Variants in OXCT1 observed in about 807,000 individuals in gnomAD.
OXCT1 encodes 3-oxoacid CoA-transferase 1.
A neutral mutation model predicts 69.6 loss-of-function variants in OXCT1; 27 were observed. That is an observed-to-expected ratio of 0.39 (90% CI 0.29 to 0.54). The LOEUF (loss-of-function observed/expected upper bound fraction) is 0.54. Ranked by LOEUF, OXCT1 falls within the 20% of genes least tolerant of loss-of-function variation. The pLI, the probability that OXCT1 is intolerant of heterozygous loss-of-function variation, is 0.72. For missense variants in OXCT1, 437 were observed against 650.2 expected, an observed-to-expected ratio of 0.67 and a Z score of 3.57; for synonymous variants, 202 against 217.8, an observed-to-expected ratio of 0.93 and a Z score of 0.64.
At chr5:41,840,399 C>T (rs1748569136) in intron 7 of OXCT1, 52 bp downstream of exon 7, 1 of 1,293,724 alleles carries the variant, frequency 7.7e-7, no homozygotes, top group African/African-American at 1.5e-5. Context: ...TGAATTAATA[C>T]TTAACATCAA....
chr5:41,808,371 CCTAAA>C (rs1746790829), intron 7 of OXCT1, among the ~76,000 whole-genome samples: 3 of 152,002 alleles, frequency 2.0e-5, no homozygotes, highest in Admixed American at 6.6e-5. Context: ...ATTTTTGTTT[CCTAAA>C]CTAATCACTG....
intron 3 of OXCT1, among the ~76,000 whole-genome samples, chr5:41,861,073 T>C (rs547417685): frequency 2.6e-5 from 4 of 152,262 alleles, no homozygotes; most frequent in African/African-American, 9.6e-5. Context: ...CATTAAGATA[T>C]AAAGTCTTAA....
rs141588669 is a variant in OXCT1, at chr5:41,805,135, C to G, written c.955+432G>C. On this transcript the variant is annotated intron_variant, in intron 9 of 16. Coordinates refer to ENST00000196371, the MANE Select transcript of OXCT1 (RefSeq NM_000436.4). The stretch of plus-strand genomic sequence containing the variant: ...AACAGGGTAATCACAGGATCTTTGT[C>G]AAGAGAATAAAAGGGTTGTTAAGAA... 3.8e-3 allele frequency among the ~76,000 whole-genome samples: 574 copies of G among 151,948 alleles called. 2 individuals are homozygous for G. Among genetic ancestry groups the G allele is most frequent in the African/African-American group, 0.013 (553 of 41,474 alleles).
chr5:41,761,823 T>C (rs921757945), intron 14 of OXCT1, among the ~76,000 whole-genome samples: 22 of 152,184 alleles, frequency 1.4e-4, no homozygotes, highest in African/African-American at 5.3e-4. Flanking sequence ...TTTGGAGATA[T>C]TAAAGCTTTT....
intron 7 of OXCT1, among the ~76,000 whole-genome samples, chr5:41,834,099 G>A (rs1441815330): frequency 1.3e-5 from 2 of 151,134 alleles, no homozygotes; most frequent in Admixed American, 6.6e-5. Flanking sequence ...TTAAAATAAC[G>A]AGTTATAAGA....
intron 7 of OXCT1, among the ~76,000 whole-genome samples, chr5:41,810,981 A>T (rs1746953076): frequency 6.6e-6 from 1 of 151,706 alleles, no homozygotes; most frequent in Non-Finnish European, 1.5e-5. Context: ...GTTTCAAAAA[A>T]GTTTAGGAGG....
At chr5:41,811,081 GAA>G (rs57545957) in intron 7 of OXCT1, among the ~76,000 whole-genome samples, 18 of 137,294 alleles carry the variant, frequency 1.3e-4, no homozygotes, top group Admixed American at 4.4e-4. Flanking sequence ...AAAAGAGAGG[GAA>G]AAAAAAAAAA....
At chr5:41,799,919 C>T (rs1028874999) in intron 11 of OXCT1, among the ~76,000 whole-genome samples, 7 of 152,194 alleles carry the variant, frequency 4.6e-5, no homozygotes, top group Non-Finnish European at 8.8e-5. Flanking sequence ...GAAATTTACA[C>T]ATACTATTTT....
chr5:41,778,924 T>C (rs1378923551), intron 13 of OXCT1, among the ~76,000 whole-genome samples: 2 of 152,184 alleles, frequency 1.3e-5, no homozygotes, highest in Non-Finnish European at 2.9e-5. Context: ...TTTATGTGTT[T>C]TGCAACTTTT....
intron 13 of OXCT1, among the ~76,000 whole-genome samples, chr5:41,763,335 T>C (rs1199461631): frequency 6.6e-6 from 1 of 152,032 alleles, no homozygotes; most frequent in Non-Finnish European, 1.5e-5. Context: ...GGGATGAGGG[T>C]GGCAGGGGAG....
intron 15 of OXCT1, among the ~76,000 whole-genome samples, chr5:41,741,477 G>A (rs1743165281): frequency 6.6e-6 from 1 of 152,102 alleles, no homozygotes; most frequent in Non-Finnish European, 1.5e-5. Flanking sequence ...CCAAGATTGT[G>A]ATACAGGACA....
Position 41,762,704 on chromosome 5 carries a change from C to T in OXCT1, c.1249-504G>A, listed in dbSNP as rs1744406654. Reference sequence around the variant, plus strand: ...TAGTAATGGCTAATATGAAAGGTGGCTCTGTCTTTCTAACACTTGGCATTT... The same window carrying T: ...TAGTAATGGCTAATATGAAAGGTGGTTCTGTCTTTCTAACACTTGGCATTT... On this transcript the variant is annotated intron_variant, in intron 13 of 16. Coordinates refer to ENST00000196371, the MANE Select transcript of OXCT1 (RefSeq NM_000436.4). This position sits in a 1 kb window ranked among gnomAD's most constrained non-coding sequence, Gnocchi z 4.0. Among the ~76,000 whole-genome samples, 2 of 152,088 alleles carry T rather than the reference C, an allele frequency of 1.3e-5. No homozygotes were observed. The highest frequency in any genetic ancestry group is 1.5e-5 in the Non-Finnish European group (1 of 68,002).
rs527668963 is a variant in OXCT1, at chr5:41,770,037, G to C, written c.1249-7837C>G. On this transcript the variant is annotated intron_variant, in intron 13 of 16. Coordinates refer to ENST00000196371, the MANE Select transcript of OXCT1 (RefSeq NM_000436.4). ...GGCCTCCCAAAGTGTTGGGATTACA[G>C]GCGTGAGCCACCACGCCCAGCCCTT... is the stretch of plus-strand genomic sequence containing the variant. Among the ~76,000 whole-genome samples the C allele has an allele frequency of 3.3e-5, 5 of 152,240 alleles. 1 individual carries two copies. The highest frequency in any genetic ancestry group is 1.3e-4 in the Admixed American group (2 of 15,286).
chr5:41,771,717 G>A (rs1046182609), intron 13 of OXCT1, among the ~76,000 whole-genome samples: 1 of 152,164 alleles, frequency 6.6e-6, no homozygotes, highest in Non-Finnish European at 1.5e-5. Context: ...GGTACTCTAA[G>A]TTATTTGAGT....
At chr5:41,764,127 G>A (rs1224276241) in intron 13 of OXCT1, among the ~76,000 whole-genome samples, 2 of 152,068 alleles carry the variant, frequency 1.3e-5, no homozygotes, top group African/African-American at 4.8e-5. Flanking sequence ...CAAAGCACAT[G>A]TTACAACCTT....
At chr5:41,733,830 T>G (rs998649468) in intron 16 of OXCT1, among the ~76,000 whole-genome samples, 1 of 152,206 alleles carries the variant, frequency 6.6e-6, no homozygotes, top group Non-Finnish European at 1.5e-5. Context: ...TCATCAACGT[T>G]GTAAATTCAT....
At chr5:41,761,388 T>C (rs1744338381) in intron 14 of OXCT1, among the ~76,000 whole-genome samples, 3 of 152,026 alleles carry the variant, frequency 2.0e-5, no homozygotes, top group Non-Finnish European at 4.4e-5. Context: ...CATGGGCCCA[T>C]ACATATACAC....
chr5:41,837,064 C>T (rs1186653558), intron 7 of OXCT1, among the ~76,000 whole-genome samples: 2 of 152,076 alleles, frequency 1.3e-5, no homozygotes, highest in Non-Finnish European at 2.9e-5. Context: ...TCCTTTGCCA[C>T]CCTGCTTCTA....
chr5:41,782,833 A>G (rs1029814832), intron 13 of OXCT1, among the ~76,000 whole-genome samples: 6 of 152,168 alleles, frequency 3.9e-5, no homozygotes, highest in African/African-American at 1.4e-4. Flanking sequence ...ATCCCTACAA[A>G]ACTACAGACA....
Sources: allele counts gnomAD v4.1 joint callset (sites outside exome capture counted in the v4.1 genomes callset), GRCh38; gene constraint gnomAD v4.1.1; non-coding constraint Gnocchi (gnomAD v3.1); transcripts MANE v1.5; gene names NCBI Gene and HGNC (gene_info 2026-07-23, HGNC 2026-07-21).